The following CCDC7 variants were observed in gnomAD, a reference collection of about 807,000 sequenced individuals.
The protein encoded by CCDC7 is coiled-coil domain-containing protein 7.
In CCDC7, 183 loss-of-function variants were observed where a neutral mutation model predicts 196.9. The observed-to-expected ratio is 0.93, with a 90% CI of 0.82 to 1.05. The LOEUF is 1.05. CCDC7 is among the 50% of genes least tolerant of loss of function. The pLI, the probability that CCDC7 is intolerant of heterozygous loss-of-function variation, is 0.00. For missense variants in CCDC7, 1,540 were observed against 1,482.2 expected (o/e 1.04, Z -0.64); for synonymous variants, 525 against 484.6 (o/e 1.08, Z -1.10).
intron 24 of CCDC7, among the ~76,000 whole-genome samples, chr10:32,710,903 C>T (rs1047868421): frequency 6.6e-6 from 1 of 152,098 alleles, no homozygotes; most frequent in African/African-American, 2.4e-5. Flanking sequence ...ACAACATAAG[C>T]AAGAGTGTAA....
At chr10:32,614,849 A>G (rs1297094486) in intron 18 of CCDC7, among the ~76,000 whole-genome samples, 1 of 152,156 alleles carries the variant, frequency 6.6e-6, no homozygotes, top group Non-Finnish European at 1.5e-5. Flanking sequence ...CTGTGTGTCC[A>G]TTGTACCTAT....
intron 41 of CCDC7, among the ~76,000 whole-genome samples, chr10:32,862,623 G>A (rs921252395): frequency 6.6e-6 from 1 of 151,196 alleles, no homozygotes; most frequent in African/African-American, 2.4e-5. Context: ...TCTCCACTAA[G>A]ATCAGCTACA....
At chr10:32,558,878 G>A (rs1156527357) in intron 13 of CCDC7, among the ~76,000 whole-genome samples, 3 of 152,348 alleles carry the variant, frequency 2.0e-5, no homozygotes, top group East Asian at 1.9e-4. Flanking sequence ...TGCCTCACTC[G>A]GGAAGCGCAA....
chr10:32,652,097 G>C (rs1413797866), intron 20 of CCDC7, among the ~76,000 whole-genome samples: 1 of 152,030 alleles, frequency 6.6e-6, no homozygotes, highest in Non-Finnish European at 1.5e-5. Flanking sequence ...GTGCTCCTGT[G>C]TTGTGTGTAC....
At position 32,451,734 on chromosome 10, in the gene CCDC7, T is replaced by G; in HGVS notation, c.92T>G (p.Leu31Ter). The change falls in exon 1 of 42, where the codon TTA becomes TGA. Residue 31 changes from leucine to a stop codon, truncating the protein, a stop_gained. Transcript: ENST00000639629. LOFTEE classifies it high-confidence loss of function. ...AAAAAAGGACTACATAATTTACCATTATCACCTGAGCTAAAGGAAAAACAT... is the reference window on the plus strand; with the variant it reads ...AAAAAAGGACTACATAATTTACCATGATCACCTGAGCTAAAGGAAAAACAT... The G allele has an allele frequency of 6.2e-7, 1 of 1,614,144 alleles. No homozygotes were observed. Among genetic ancestry groups the G allele is most frequent in the Non-Finnish European group, 8.5e-7 (1 of 1,180,008 alleles).
At chr10:32,737,439 C>A (rs1220300669) in intron 28 of CCDC7, among the ~76,000 whole-genome samples, 6 of 152,006 alleles carry the variant, frequency 3.9e-5, no homozygotes, top group Non-Finnish European at 8.8e-5. Context: ...TGTCTTATAG[C>A]CCAGAATAAG....
intron 18 of CCDC7, among the ~76,000 whole-genome samples, chr10:32,609,317 G>C (rs1212163835): frequency 1.3e-5 from 2 of 151,852 alleles, no homozygotes; most frequent in Non-Finnish European, 2.9e-5. Context: ...ATTTAGAATT[G>C]TTATATCCTC....
exon 26 of CCDC7, chr10:32,726,800 A>G (rs2083197681): frequency 6.2e-7 from 1 of 1,600,324 alleles, no homozygotes; most frequent in East Asian, 2.2e-5. Context: ...CAAGAAAAGA[A>G]AAAAATAACT....
chr10:32,569,094 C>A (rs947967257), intron 15 of CCDC7, among the ~76,000 whole-genome samples: 1 of 152,222 alleles, frequency 6.6e-6, no homozygotes, highest in Admixed American at 6.5e-5. Flanking sequence ...AAGTGATTCT[C>A]ATTTTAGTGG....
intron 16 of CCDC7, among the ~76,000 whole-genome samples, chr10:32,576,302 TAAA>T (rs61171117): frequency 2.2e-3 from 323 of 144,248 alleles, no homozygotes; most frequent in Non-Finnish European, 3.0e-3. Flanking sequence ...CAAAGGGGGT[TAAA>T]AAAAAAAAAA....
intron 11 of CCDC7, 45 bp from the exon 13 acceptor site, chr10:32,543,255 T>C (rs766687354): frequency 7.6e-7 from 1 of 1,316,890 alleles, no homozygotes; most frequent in Non-Finnish European, 1.0e-6. Context: ...CTATAACTTA[T>C]TGTGTTTTTA....
chr10:32,775,004 C>G (rs560405827), intron 28 of CCDC7, among the ~76,000 whole-genome samples: 158 of 152,246 alleles, frequency 1.0e-3, no homozygotes, highest in Non-Finnish European at 1.6e-3. Flanking sequence ...ATCTTCCTCC[C>G]TCTGTTTTTA....
chr10:32,734,584 C>T (rs760706529), intron 28 of CCDC7, among the ~76,000 whole-genome samples: 2 of 152,098 alleles, frequency 1.3e-5, no homozygotes, highest in African/African-American at 2.4e-5. Context: ...ACCCCCGAAC[C>T]TAAAATGAAA....
intron 30 of CCDC7, among the ~76,000 whole-genome samples, chr10:32,810,795 A>G (rs1356696011): frequency 6.6e-6 from 1 of 152,170 alleles, no homozygotes; most frequent in African/African-American, 2.4e-5. Context: ...AAATTTTTAA[A>G]AATCAAAATC....
chr10:32,738,752 G>T (rs1439397681), intron 28 of CCDC7, among the ~76,000 whole-genome samples: 1 of 151,972 alleles, frequency 6.6e-6, no homozygotes, highest in African/African-American at 2.4e-5. Context: ...GGGACTACAG[G>T]CAAGAGCCAC....
Position 32,530,584 on chromosome 10 carries a change from A to G in CCDC7, c.993+12079A>G, listed in dbSNP as rs180685936. ...TTAAGTGAAATGGTATATAATTGGT[A>G]CTGTTTTTTGTATATTGATTTTGTA... On this transcript the variant is annotated intron_variant, in intron 11 of 41. Coordinates refer to ENST00000639629, the Ensembl canonical transcript of CCDC7. 2.6e-5 allele frequency among the ~76,000 whole-genome samples: 4 copies of G among 151,750 alleles called. No individual in the cohort carries two copies. The East Asian group carries it at 7.7e-4, about 29-fold the overall frequency.
At chr10:32,739,842 TATTG>T (rs1401115234) in intron 28 of CCDC7, among the ~76,000 whole-genome samples, 3 of 145,942 alleles carry the variant, frequency 2.1e-5, no homozygotes, top group Non-Finnish European at 4.5e-5. Context: ...TTTTCTAAAA[TATTG>T]TCATTATTTT....
At chr10:32,589,081 G>A (rs1036917843) in intron 18 of CCDC7, among the ~76,000 whole-genome samples, 1 of 151,776 alleles carries the variant, frequency 6.6e-6, no homozygotes, top group Non-Finnish European at 1.5e-5. Context: ...TCACCCTATT[G>A]TGCTATCAAA....
intron 18 of CCDC7, among the ~76,000 whole-genome samples, chr10:32,597,773 T>C (rs1391636201): frequency 6.6e-6 from 1 of 152,206 alleles, no homozygotes; most frequent in Non-Finnish European, 1.5e-5. Flanking sequence ...TCTCTTGGGG[T>C]GTGCTGGCGG....
Sources: gnomAD v4.1 joint callset for allele counts (sites outside exome capture counted in the v4.1 genomes callset) on GRCh38, gnomAD v4.1.1 for gene constraint, MANE v1.5 for transcripts, NCBI Gene and HGNC (gene_info 2026-07-23, HGNC 2026-07-21) for gene names.